PEX16: variants seen among roughly 807,000 people sequenced by gnomAD.
PEX16 encodes the protein peroxisomal biogenesis factor 16.
PEX16 carries 37 observed loss-of-function variants against 50.5 expected under a neutral mutation model. That is an observed-to-expected ratio of 0.73 (90% CI 0.56 to 0.96). The LOEUF (loss-of-function observed/expected upper bound fraction) is 0.96. Ranked by LOEUF, PEX16 falls within the 40% of genes least tolerant of loss-of-function variation. The pLI is 0.00. For missense variants in PEX16, 401 were observed against 438.3 expected (o/e 0.91, Z 0.76); for synonymous variants, 185 against 190.3 (o/e 0.97, Z 0.23).
intron 2 of PEX16, 48 bp from the exon 3 acceptor site, chr11:45,916,351 C>T (rs530743785): frequency 4.3e-6 from 6 of 1,382,288 alleles, no homozygotes; most frequent in South Asian, 3.5e-5. Flanking sequence ...CAGCCTCCAT[C>T]CCTCTCACCT....
intron 5 of PEX16, 125 bp from the exon 6 acceptor site, chr11:45,914,809 A>G: frequency 1.2e-6 from 1 of 837,150 alleles, no homozygotes; most frequent in South Asian, 1.3e-5. Context: ...CTATGGCAAC[A>G]GCTGAGTCAA....
intron 9 of PEX16, 41 bp downstream of exon 9, chr11:45,913,778 T>G (rs1451255971): frequency 6.2e-7 from 1 of 1,612,986 alleles, no homozygotes; most frequent in Non-Finnish European, 8.5e-7. Flanking sequence ...AGTGCCCGCT[T>G]GCCAGCCCTC....
chr11:45,916,636 C>T (rs1031709571), intron 2 of PEX16, among the ~76,000 whole-genome samples: 24 of 152,214 alleles, frequency 1.6e-4, no homozygotes, highest in African/African-American at 5.5e-4. Flanking sequence ...CCCTTTCTCT[C>T]TTGGCAGCCT....
At chr11:45,913,693 C>T in intron 9 of PEX16, 126 bp downstream of exon 9, 7 of 1,128,482 alleles carry the variant, frequency 6.2e-6, no homozygotes, top group Admixed American at 5.3e-5. Flanking sequence ...GACTGCCACC[C>T]GGACAACACA....
At chr11:45,916,613 TCCCACC>T (rs1372669709) in intron 2 of PEX16, among the ~76,000 whole-genome samples, 24 of 152,190 alleles carry the variant, frequency 1.6e-4, no homozygotes, top group African/African-American at 5.5e-4. Flanking sequence ...AGATACACGG[TCCCACC>T]TCCTGGCCCT....
Position 45,915,702 on chromosome 11 carries a change from C to T in PEX16, c.359+1G>A, listed in dbSNP as rs530880623. ...GGACCCTCTCCACAATCCCAACCTACTTGGCCAGCTGGACGAGGGCGATGA... is the reference window on the plus strand; with the variant it reads ...GGACCCTCTCCACAATCCCAACCTATTTGGCCAGCTGGACGAGGGCGATGA... On this transcript the variant is annotated splice_donor_variant, in intron 4 of 10. Transcript: ENST00000378750. LOFTEE classifies it high-confidence loss of function. 6.2e-7 allele frequency: 1 copy of T among 1,614,132 alleles called. No individual in the cohort carries two copies. The highest frequency in any genetic ancestry group is 1.1e-5 in the South Asian group (1 of 91,090).
intron 10 of PEX16, 48 bp from the exon 11 acceptor site, chr11:45,910,360 A>C: frequency 6.8e-7 from 1 of 1,476,700 alleles, no homozygotes; most frequent in Non-Finnish European, 9.5e-7. Context: ...CCCAATCTGC[A>C]CTGTGGCGCC....
rs552583175 is a variant in PEX16, at chr11:45,916,290, A to G, written c.162T>C (p.Ser54=). 89 of 1,613,938 alleles carry G rather than the reference A, an allele frequency of 5.5e-5. 3 individuals carry two copies. In the South Asian group the frequency reaches 9.4e-4, roughly 17 times the overall value. Residue 54 remains serine, a synonymous_variant, in exon 3 of 11, where the codon TCT becomes TCC. Coordinates refer to ENST00000378750, the MANE Select transcript of PEX16 (RefSeq NM_004813.4). ...HELSELVYSA[S]NLLVLLNDGI... is the part of the protein sequence containing the mutation. ...CGTCATTGAGCAGCACAAGCAGGTT[A>G]GAGGCAGAGTACACTGAGGGGTAGA... is the stretch of plus-strand genomic sequence containing the variant.
chr11:45,911,604 G>A (rs1008198534), intron 9 of PEX16, among the ~76,000 whole-genome samples: 1 of 152,212 alleles, frequency 6.6e-6, no homozygotes, highest in Non-Finnish European at 1.5e-5. Flanking sequence ...TACAAAGTGG[G>A]TACTGTCATC....
At chr11:45,915,671 C>A in intron 4 of PEX16, 32 bp downstream of exon 4, 2 of 1,613,334 alleles carry the variant, frequency 1.2e-6, no homozygotes, top group Non-Finnish European at 1.7e-6. Flanking sequence ...GCGTCACCCC[C>A]ACCCAGGACC....
chr11:45,915,901 C>G, intron 3 of PEX16, 65 bp from the exon 4 acceptor site: 1 of 1,510,308 alleles, frequency 6.6e-7, no homozygotes, highest in East Asian at 2.3e-5. Flanking sequence ...GGCCCTTCTC[C>G]TAGGAGGGAG....
Position 45,914,678 on chromosome 11 carries a change from T to A in PEX16, c.467A>T (p.Asp156Val). 1 of 1,613,858 alleles carries A rather than the reference T, an allele frequency of 6.2e-7. No homozygotes were observed. The highest frequency in any genetic ancestry group is 2.2e-5 in the East Asian group (1 of 44,884). The change falls in exon 6 of 11, where the codon GAC becomes GTC. Residue 156 changes from aspartate to valine, a missense_variant. By Grantham distance (152) the Asp-to-Val change is radical. Coordinates refer to ENST00000378750, the MANE Select transcript of PEX16 (RefSeq NM_004813.4). ...CTGCTCATGGTTGCCAGGGCTGTGG[T>A]CACCATCTAGCAGGGATAGACAGAA... ...RETQAQPPDG[D>V]HSPGNHEQSY... is the part of the protein sequence containing the mutation.
At chr11:45,911,544 C>T (rs2086778361) in intron 9 of PEX16, among the ~76,000 whole-genome samples, 1 of 152,248 alleles carries the variant, frequency 6.6e-6, no homozygotes, top group Non-Finnish European at 1.5e-5. Context: ...CATAGCGCTA[C>T]GTGCTTACTA....
chr11:45,910,523 A>C (rs2086766204), intron 10 of PEX16, among the ~76,000 whole-genome samples: 1 of 152,194 alleles, frequency 6.6e-6, no homozygotes, highest in African/African-American at 2.4e-5. Context: ...GAGGGGCCTG[A>C]GTCAGGTCCA....
At position 45,914,457 on chromosome 11, in the gene PEX16, G is replaced by T; in HGVS notation, c.553C>A (p.His185Asn). The part of the protein sequence containing the change: ...VRTLQNTPSL[H>N]SRHWGAPQQR... The stretch of plus-strand genomic sequence containing the variant: ...TGGGGAGCTCCCCAGTGCCTGGAGT[G>T]CAGGGACGGCGCTAGAACACAAGGG... Residue 185 changes from histidine to asparagine, a missense_variant, in exon 7 of 11, where the codon CAC becomes AAC. Transcript: ENST00000378750. 1 of 1,607,928 alleles carries T rather than the reference G, an allele frequency of 6.2e-7. No homozygotes were observed.
At chr11:45,915,281 C>A (rs1239787305) in intron 5 of PEX16, among the ~76,000 whole-genome samples, 187 bp downstream of exon 5, 1 of 152,246 alleles carries the variant, frequency 6.6e-6, no homozygotes, top group African/African-American at 2.4e-5. Flanking sequence ...GTACTGGGTT[C>A]GTGTTCTGAT....
upstream of PEX16, chr11:45,918,145 C>A: frequency 2.3e-6 from 1 of 438,088 alleles, no homozygotes; most frequent in Non-Finnish European, 4.3e-6. Context: ...CTTGCGCCTG[C>A]GCAGTTAAAG....
chr11:45,910,994 AGT>A, intron 9 of PEX16, 32 bp from the exon 10 acceptor site: 1 of 1,200,774 alleles, frequency 8.3e-7, no homozygotes, highest in Non-Finnish European at 1.2e-6. Context: ...GAGCAAGCTG[AGT>A]GGGGTGGGGG....
At position 45,909,920 on chromosome 11, in the gene PEX16, C is replaced by T; in HGVS notation, c.*334G>A. ...TCCTCACCAGGGGCCAGCGAGAGAG[C>T]AGCAGTGTTCGCTCCTATGGCTGCC... On this transcript the variant is annotated 3_prime_UTR_variant, in exon 11 of 11. Transcript: ENST00000378750. The T allele has an allele frequency of 1.5e-6, 1 of 654,702 alleles. No homozygotes were observed. Among genetic ancestry groups the T allele is most frequent in the Middle Eastern group, 4.1e-4 (1 of 2,438 alleles). 40.6% of individuals were successfully genotyped at this position (654,702 alleles called of 1,614,324 possible).
Sources: allele counts gnomAD v4.1 joint callset (sites outside exome capture counted in the v4.1 genomes callset), GRCh38; gene constraint gnomAD v4.1.1; transcripts MANE v1.5; gene names NCBI Gene and HGNC (gene_info 2026-07-23, HGNC 2026-07-21).